RANBP17: variants seen among roughly 807,000 people sequenced by gnomAD.
RANBP17 encodes ran-binding protein 17.
In RANBP17, 158 loss-of-function variants were observed where a neutral mutation model predicts 141.2. That is an observed-to-expected ratio of 1.12 (90% CI 0.98 to 1.28). The LOEUF is 1.28. RANBP17 is among the 50% of genes most tolerant of loss of function. The pLI is 0.00. For synonymous variants in RANBP17, 430 were observed against 450.0 expected, an observed-to-expected ratio of 0.96 and a Z score of 0.56; for missense variants, 1,438 against 1,290.7, an observed-to-expected ratio of 1.11 and a Z score of -1.75.
At chr5:170,986,091 G>T (rs1778121861) in intron 14 of RANBP17, among the ~76,000 whole-genome samples, 1 of 152,078 alleles carries the variant, frequency 6.6e-6, no homozygotes, top group Non-Finnish European at 1.5e-5. Context: ...CACGCTTGTT[G>T]TCTTGGCAGA....
intron 14 of RANBP17, among the ~76,000 whole-genome samples, chr5:171,157,923 T>G (rs1194052220): frequency 6.6e-6 from 1 of 152,230 alleles, no homozygotes; most frequent in East Asian, 1.9e-4. Flanking sequence ...CTAGCGTATC[T>G]GGTCTCCATT....
chr5:171,108,883 TTTG>T (rs1395797296), intron 14 of RANBP17, among the ~76,000 whole-genome samples: 1 of 152,218 alleles, frequency 6.6e-6, no homozygotes, highest in Non-Finnish European at 1.5e-5. Context: ...GTTTGCCTTT[TTTG>T]TTGTTGTTGT....
chr5:171,054,776 G>A (rs555358754), intron 14 of RANBP17, among the ~76,000 whole-genome samples: 29 of 152,254 alleles, frequency 1.9e-4, no homozygotes, highest in African/African-American at 6.7e-4. Context: ...CACCTGTGAC[G>A]TGTTTCCCCC....
chr5:171,015,844 T>C (rs989159875), intron 14 of RANBP17, among the ~76,000 whole-genome samples: 2 of 152,104 alleles, frequency 1.3e-5, no homozygotes, highest in Non-Finnish European at 2.9e-5. Context: ...AATTAGAAGG[T>C]TTTCTGTATC....
intron 22 of RANBP17, among the ~76,000 whole-genome samples, chr5:171,240,453 G>C (rs1029718149): frequency 6.6e-6 from 1 of 152,064 alleles, no homozygotes; most frequent in African/African-American, 2.4e-5. Flanking sequence ...AAACCTGTGA[G>C]GCTCCTAAAA....
At chr5:171,201,949 G>C (rs1375027652) in intron 19 of RANBP17, among the ~76,000 whole-genome samples, 2 of 152,160 alleles carry the variant, frequency 1.3e-5, no homozygotes, top group African/African-American at 4.8e-5. Context: ...ATCCACAGGA[G>C]GTGATGCTGT....
chr5:170,930,265 G>C (rs1270920491), intron 12 of RANBP17, among the ~76,000 whole-genome samples: 1 of 150,424 alleles, frequency 6.6e-6, no homozygotes, highest in Non-Finnish European at 1.5e-5. Context: ...TTAGATTTTT[G>C]GACTTTTCTA....
chr5:171,183,185 A>G lies in RANBP17; in HGVS notation c.1884A>G (p.Lys628=). The G allele has an allele frequency of 6.4e-7, 1 of 1,566,906 alleles. No homozygotes were observed. Among genetic ancestry groups the G allele is most frequent in the African/African-American group, 1.4e-5 (1 of 74,062 alleles). The change falls in exon 17 of 28, where the codon AAA becomes AAG. Residue 628 remains lysine (K), a synonymous_variant. Coordinates refer to ENST00000523189, the MANE Select transcript of RANBP17 (RefSeq NM_022897.5). ...CTATTACTTATATCCTTTTAAAAAAACTTGTGAAGATAGATGCTGTGAAAT... is the reference window on the plus strand; with the variant it reads ...CTATTACTTATATCCTTTTAAAAAAGCTTGTGAAGATAGATGCTGTGAAAT... The part of the protein sequence containing the change: ...DLSVGYILLK[K]LVKIDAVKFM...
At chr5:171,291,300 C>T (rs1014819818) in intron 25 of RANBP17, among the ~76,000 whole-genome samples, 1 of 152,128 alleles carries the variant, frequency 6.6e-6, no homozygotes, top group African/African-American at 2.4e-5. Context: ...TATGTGTTTT[C>T]AGACATAGGC....
At chr5:170,890,193 G>A (rs1189739890) in intron 3 of RANBP17, among the ~76,000 whole-genome samples, 2 of 152,148 alleles carry the variant, frequency 1.3e-5, no homozygotes, top group Non-Finnish European at 2.9e-5. Context: ...TCCACTGCAA[G>A]ATGAACATTT....
At chr5:171,197,064 CT>C (rs767247522) in intron 18 of RANBP17, among the ~76,000 whole-genome samples, 1 of 152,082 alleles carries the variant, frequency 6.6e-6, no homozygotes, top group Non-Finnish European at 1.5e-5. Context: ...TTAGAAAATA[CT>C]TTATCTTAGA....
chr5:170,987,990 G>T (rs1010734935), intron 14 of RANBP17, among the ~76,000 whole-genome samples: 2 of 146,362 alleles, frequency 1.4e-5, no homozygotes, highest in Non-Finnish European at 3.0e-5. Flanking sequence ...ATTATATTTT[G>T]TTATGTAATT....
At chr5:170,890,787 G>A (rs1350728427) in intron 3 of RANBP17, among the ~76,000 whole-genome samples, 1 of 152,266 alleles carries the variant, frequency 6.6e-6, no homozygotes, top group Non-Finnish European at 1.5e-5. Context: ...CAGTTTTGGT[G>A]TATTAACTTT....
intron 11 of RANBP17, among the ~76,000 whole-genome samples, chr5:170,924,106 T>C (rs944339164): frequency 7.9e-5 from 12 of 151,984 alleles, no homozygotes; most frequent in Admixed American, 7.9e-4. Flanking sequence ...CAAGCAATTC[T>C]CATGCCTCAG....
chr5:171,005,823 G>A (rs1054206214), intron 14 of RANBP17, among the ~76,000 whole-genome samples: 26 of 152,002 alleles, frequency 1.7e-4, no homozygotes, highest in Admixed American at 1.7e-3. Context: ...CAGAATGGGG[G>A]AAAATTTTTG....
intron 14 of RANBP17, among the ~76,000 whole-genome samples, chr5:171,023,310 T>C (rs79710758): frequency 0.027 from 4,089 of 152,318 alleles, 177 homozygotes; most frequent in African/African-American, 0.092. Context: ...TTATAACTTT[T>C]ATATTTCTGT....
In RANBP17 at chr5:170,962,266, C is replaced by T. The variant is rs559137680; in HGVS notation, c.1575-5976C>T. 3.3e-5 allele frequency among the ~76,000 whole-genome samples: 5 copies of T among 152,276 alleles called. No individual in the cohort carries two copies. In the South Asian group the frequency reaches 1.0e-3, roughly 32 times the overall value. On this transcript the variant is annotated intron_variant, in intron 13 of 27. Transcript: ENST00000523189. ...ACTTCTTTGACAAATGGATTGTGTACCCTGCTGGGAACTCATTCCTACTCT... is the reference window on the plus strand; with the variant it reads ...ACTTCTTTGACAAATGGATTGTGTATCCTGCTGGGAACTCATTCCTACTCT...
At chr5:171,182,650 C>T (rs1760938484) in intron 16 of RANBP17, among the ~76,000 whole-genome samples, 1 of 152,158 alleles carries the variant, frequency 6.6e-6, no homozygotes, top group African/African-American at 2.4e-5. Context: ...AATATTAGTT[C>T]CTTTAAGCTG....
At chr5:170,920,207 A>G (rs1231041949) in intron 11 of RANBP17, among the ~76,000 whole-genome samples, 2 of 152,116 alleles carry the variant, frequency 1.3e-5, no homozygotes, top group African/African-American at 4.8e-5. Context: ...CATGTTAAAT[A>G]TAGTATATAT....
Sources: allele counts gnomAD v4.1 joint callset (sites outside exome capture counted in the v4.1 genomes callset), GRCh38; gene constraint gnomAD v4.1.1; transcripts MANE v1.5; gene names NCBI Gene and HGNC (gene_info 2026-07-23, HGNC 2026-07-21).